Variants in TAFA1 observed in about 807,000 individuals in gnomAD.
TAFA1 encodes the protein chemokine-like protein TAFA-1.
Under a neutral mutation model 18.5 loss-of-function variants are expected in TAFA1, and 4 were observed. The observed-to-expected ratio is 0.22, with a 90% CI of 0.11 to 0.49. TAFA1 has a LOEUF of 0.49. Ranked by LOEUF, TAFA1 falls within the 20% of genes least tolerant of loss-of-function variation. TAFA1 has a pLI of 0.98. For missense variants in TAFA1, 147 were observed against 169.0 expected, an observed-to-expected ratio of 0.87 and a Z score of 0.72; for synonymous variants, 56 against 55.2, an observed-to-expected ratio of 1.01 and a Z score of -0.06.
chr3:68,492,009 G>T (rs970794771), intron 3 of TAFA1, among the ~76,000 whole-genome samples: 1 of 152,090 alleles, frequency 6.6e-6, no homozygotes, highest in African/African-American at 2.4e-5. Context: ...TTAAGAATAT[G>T]CCCTCGATTT....
intron 3 of TAFA1, among the ~76,000 whole-genome samples, chr3:68,534,492 T>C (rs17047811): frequency 0.24 from 35,963 of 152,136 alleles, 4,884 homozygotes; most frequent in African/African-American, 0.37. Context: ...TAGACTCAAA[T>C]TAGCAAATCT....
intron 2 of TAFA1, among the ~76,000 whole-genome samples, chr3:68,160,202 C>A (rs1159571502): frequency 6.6e-6 from 1 of 152,142 alleles, no homozygotes; most frequent in African/African-American, 2.4e-5. Flanking sequence ...AATTGTAGGG[C>A]CTCATAGAGC....
At chr3:68,019,494 A>T (rs1704640937) in intron 2 of TAFA1, among the ~76,000 whole-genome samples, 1 of 152,318 alleles carries the variant, frequency 6.6e-6, no homozygotes, top group South Asian at 2.1e-4. Flanking sequence ...CTGGAAAAGA[A>T]TGCTCTCCAA....
chr3:68,269,789 T>C (rs1378501894), intron 2 of TAFA1, among the ~76,000 whole-genome samples: 1 of 152,166 alleles, frequency 6.6e-6, no homozygotes, highest in African/African-American at 2.4e-5. Context: ...GGTAACATTT[T>C]TAAAAAGAGA....
chr3:68,374,314 T>C (rs1307951938), intron 2 of TAFA1, among the ~76,000 whole-genome samples: 3 of 152,260 alleles, frequency 2.0e-5, no homozygotes, highest in African/African-American at 7.2e-5. Context: ...TCATACTTTA[T>C]ATACACGGTG....
chr3:68,388,516 A>C (rs1333664408), intron 2 of TAFA1, among the ~76,000 whole-genome samples: 1 of 151,768 alleles, frequency 6.6e-6, no homozygotes, highest in Non-Finnish European at 1.5e-5. Context: ...TGTCTCTGTA[A>C]TTTTCCATTT....
intron 2 of TAFA1, among the ~76,000 whole-genome samples, chr3:68,326,697 A>G (rs2068782481): frequency 6.6e-6 from 1 of 152,218 alleles, no homozygotes; most frequent in South Asian, 2.1e-4. Context: ...AGAAAATCAG[A>G]ATTTGAAAAG....
intron 2 of TAFA1, among the ~76,000 whole-genome samples, chr3:68,043,526 G>A (rs1399044713): frequency 1.3e-5 from 2 of 152,132 alleles, no homozygotes; most frequent in Admixed American, 1.3e-4. Context: ...CTGCTCAGAA[G>A]CCACACATGA....
At chr3:68,232,466 C>T (rs998977007) in intron 2 of TAFA1, among the ~76,000 whole-genome samples, 1 of 152,104 alleles carries the variant, frequency 6.6e-6, no homozygotes, top group African/African-American at 2.4e-5. Flanking sequence ...TTGATGAACA[C>T]TTTGGTTGCT....
At chr3:68,204,922 T>A (rs1026090751) in intron 2 of TAFA1, among the ~76,000 whole-genome samples, 4 of 151,836 alleles carry the variant, frequency 2.6e-5, no homozygotes, top group Non-Finnish European at 5.9e-5. Flanking sequence ...CCACTTCCTT[T>A]TTTTCCCTTT....
intron 2 of TAFA1, among the ~76,000 whole-genome samples, chr3:68,125,282 G>A (rs1352324191): frequency 6.6e-6 from 1 of 152,196 alleles, no homozygotes; most frequent in Non-Finnish European, 1.5e-5. Flanking sequence ...ATTATTGTGA[G>A]GATGAAAAGG....
intron 2 of TAFA1, among the ~76,000 whole-genome samples, chr3:68,260,816 C>T (rs570254078): frequency 1.3e-5 from 2 of 152,210 alleles, no homozygotes; most frequent in African/African-American, 4.8e-5. Flanking sequence ...CCATAAAAAT[C>T]CTAGAAGAAA....
intron 3 of TAFA1, among the ~76,000 whole-genome samples, chr3:68,423,716 G>T (rs1337570597): frequency 6.6e-6 from 1 of 150,734 alleles, no homozygotes; most frequent in Non-Finnish European, 1.5e-5. Flanking sequence ...AAATTTTCGT[G>T]CAGTTTTCTC....
intron 2 of TAFA1, among the ~76,000 whole-genome samples, chr3:68,318,643 A>T (rs1035586003): frequency 1.3e-5 from 2 of 152,182 alleles, no homozygotes; most frequent in African/African-American, 4.8e-5. Context: ...TGTTTAAATT[A>T]CTTTGTTTCC....
intron 2 of TAFA1, among the ~76,000 whole-genome samples, chr3:68,291,374 G>A (rs892003563): frequency 6.6e-6 from 1 of 151,916 alleles, no homozygotes; most frequent in African/African-American, 2.4e-5. Flanking sequence ...TTTTTTACAT[G>A]CCCAGTGCTT....
chr3:68,377,683 T>G (rs1471879941), intron 2 of TAFA1, among the ~76,000 whole-genome samples: 4 of 152,140 alleles, frequency 2.6e-5, no homozygotes, highest in African/African-American at 9.7e-5. Flanking sequence ...ATGTCAGAGA[T>G]CTTAGCAGTA....
chr3:68,252,189 T>C (rs1293923844), intron 2 of TAFA1, among the ~76,000 whole-genome samples: 4 of 152,152 alleles, frequency 2.6e-5, no homozygotes, highest in Non-Finnish European at 4.4e-5. Flanking sequence ...AATTATCTCT[T>C]ATGAAATTCA....
At chr3:68,375,459 A>G (rs1211320184) in intron 2 of TAFA1, among the ~76,000 whole-genome samples, 1 of 152,196 alleles carries the variant, frequency 6.6e-6, no homozygotes. Context: ...AGTGGGCAAA[A>G]AAGAATGGAG....
intron 2 of TAFA1, among the ~76,000 whole-genome samples, chr3:68,266,137 G>T (rs2067540791): frequency 1.3e-5 from 2 of 152,076 alleles, no homozygotes; most frequent in African/African-American, 4.8e-5. Flanking sequence ...AGGAAAAGTG[G>T]TCAGTGTTCA....
Sources: gnomAD v4.1 joint callset for allele counts (sites outside exome capture counted in the v4.1 genomes callset) on GRCh38, gnomAD v4.1.1 for gene constraint, MANE v1.5 for transcripts, NCBI Gene and HGNC (gene_info 2026-07-23, HGNC 2026-07-21) for gene names.